Variants in CADPS observed in about 807,000 individuals in gnomAD.
CADPS encodes calcium-dependent secretion activator 1.
In CADPS, 57 loss-of-function variants were observed where a neutral mutation model predicts 167.3. The ratio of observed to expected loss-of-function variants is 0.34; its 90% CI spans 0.28 to 0.42. The LOEUF is 0.42. Among genes scored for constraint, CADPS ranks in the 20% least tolerant of loss-of-function variants. The pLI, the probability that CADPS is intolerant of heterozygous loss-of-function variation, is 1.00. For synonymous variants in CADPS, 676 were observed against 635.3 expected (o/e 1.06, Z -0.96); for missense variants, 1,414 against 1,738.1 (o/e 0.81, Z 3.32).
intron 1 of CADPS, among the ~76,000 whole-genome samples, chr3:62,833,918 A>C (rs895673921): frequency 6.6e-6 from 1 of 152,204 alleles, no homozygotes; most frequent in South Asian, 2.1e-4. Context: ...CTCATTTTTC[A>C]AAATAGGTAC....
intron 3 of CADPS, among the ~76,000 whole-genome samples, chr3:62,680,517 T>C (rs903318040): frequency 2.0e-5 from 3 of 152,024 alleles, no homozygotes; most frequent in Non-Finnish European, 2.9e-5. Context: ...TCTCCTGTCC[T>C]CCTCTGTCTG....
At chr3:62,870,707 T>C (rs1444431835) in intron 1 of CADPS, among the ~76,000 whole-genome samples, 2 of 152,202 alleles carry the variant, frequency 1.3e-5, no homozygotes, top group Non-Finnish European at 2.9e-5. Context: ...ACAATGCTCA[T>C]TTTAAACTAT....
chr3:62,569,404 C>T (rs779572262), intron 9 of CADPS, among the ~76,000 whole-genome samples: 9 of 152,152 alleles, frequency 5.9e-5, no homozygotes, highest in East Asian at 1.9e-4. Flanking sequence ...GCTGGGCAGC[C>T]GTGGGTTATT....
intron 28 of CADPS, among the ~76,000 whole-genome samples, chr3:62,407,747 T>C (rs1284529824): frequency 2.6e-5 from 4 of 152,234 alleles, no homozygotes; most frequent in African/African-American, 4.8e-5. Flanking sequence ...TTGTTTTTCT[T>C]TTTTTGAGAC....
chr3:62,582,838 T>A (rs1217326531), intron 8 of CADPS, among the ~76,000 whole-genome samples: 1 of 152,220 alleles, frequency 6.6e-6, no homozygotes, highest in Non-Finnish European at 1.5e-5. Flanking sequence ...TGAAATATGT[T>A]AATAATTTTA....
At chr3:62,831,808 A>G (rs2075144950) in intron 1 of CADPS, among the ~76,000 whole-genome samples, 1 of 152,170 alleles carries the variant, frequency 6.6e-6, no homozygotes, top group Admixed American at 6.6e-5. Flanking sequence ...GACCACTTAC[A>G]CAGTGCTATA....
intron 6 of CADPS, among the ~76,000 whole-genome samples, chr3:62,603,496 C>G (rs544416207): frequency 6.6e-6 from 1 of 152,292 alleles, no homozygotes; most frequent in East Asian, 1.9e-4. Context: ...GTATACCACA[C>G]TTTATGCACA....
intron 26 of CADPS, among the ~76,000 whole-genome samples, chr3:62,454,407 G>A (rs1299606662): frequency 6.6e-6 from 1 of 152,136 alleles, no homozygotes; most frequent in African/African-American, 2.4e-5. Flanking sequence ...AGGAAACTGG[G>A]CTCAGAGAGG....
intron 28 of CADPS, among the ~76,000 whole-genome samples, chr3:62,422,733 C>G (rs1158686209): frequency 6.6e-6 from 1 of 152,212 alleles, no homozygotes; most frequent in African/African-American, 2.4e-5. Context: ...TATTCTATAA[C>G]TGTCGATTAC....
intron 4 of CADPS, among the ~76,000 whole-genome samples, chr3:62,655,621 G>A (rs972376199): frequency 3.3e-5 from 5 of 152,124 alleles, no homozygotes; most frequent in African/African-American, 1.2e-4. Context: ...TTTTTACCCA[G>A]AGAGGATGAA....
At chr3:62,592,546 T>C (rs2086289817) in intron 7 of CADPS, 91 bp downstream of exon 7, 19 of 927,234 alleles carry the variant, frequency 2.0e-5, no homozygotes, top group Non-Finnish European at 3.3e-5. Context: ...TCTCAGCACT[T>C]GGCAATGCTG....
intron 18 of CADPS, among the ~76,000 whole-genome samples, chr3:62,495,347 CAA>C (rs1369961580): frequency 6.6e-6 from 1 of 152,154 alleles, no homozygotes; most frequent in African/African-American, 2.4e-5. Flanking sequence ...AACCAGAAAG[CAA>C]AAGTGTAATT....
intron 2 of CADPS, among the ~76,000 whole-genome samples, chr3:62,755,714 G>A (rs143176702): frequency 2.0e-5 from 3 of 152,318 alleles, no homozygotes; most frequent in African/African-American, 4.8e-5. Context: ...GCTTCCTTAT[G>A]AGTGGGAACT....
chr3:62,427,474 T>C (rs1359126993), intron 28 of CADPS, among the ~76,000 whole-genome samples: 2 of 152,118 alleles, frequency 1.3e-5, no homozygotes, highest in Non-Finnish European at 2.9e-5. Context: ...CTCTACACTA[T>C]TGCTATTTTG....
In CADPS at chr3:62,493,693, C is replaced by A. The variant is rs944628769; in HGVS notation, c.2707-28G>T. The A allele has an allele frequency of 5.2e-6, 8 of 1,550,928 alleles. No homozygotes were observed. In the Admixed American group the frequency reaches 5.9e-5, roughly 11 times the overall value. On this transcript the variant is annotated intron_variant, in intron 18 of 29. Transcript: ENST00000383710. ...GGTTTGCAAATTAAATGAAAAAAAT[C>A]AAGTCATGGACCATTCTGCAAGGTT...
chr3:62,647,946 C>T (rs530814404), intron 5 of CADPS, among the ~76,000 whole-genome samples: 1 of 152,184 alleles, frequency 6.6e-6, no homozygotes. Flanking sequence ...ATGCCCTTTG[C>T]CCTTTGTCCT....
At chr3:62,404,044 C>T (rs1342103902) in intron 28 of CADPS, 1 of 152,032 alleles carries the variant, frequency 6.6e-6, no homozygotes, top group East Asian at 1.9e-4. Flanking sequence ...ATAAATCTCA[C>T]TCGGAGACAT....
chr3:62,448,754 C>T (rs1212300712), intron 26 of CADPS, among the ~76,000 whole-genome samples: 1 of 152,024 alleles, frequency 6.6e-6, no homozygotes, highest in African/African-American at 2.4e-5. Context: ...GCTGGGATTA[C>T]AGGCACCCAC....
At chr3:62,782,240 GT>G (rs1235590107) in intron 1 of CADPS, among the ~76,000 whole-genome samples, 2 of 152,148 alleles carry the variant, frequency 1.3e-5, no homozygotes, top group Non-Finnish European at 2.9e-5. Flanking sequence ...CCTCTCTAAA[GT>G]TTAACATCAG....
Sources: gnomAD v4.1 joint callset for allele counts (sites outside exome capture counted in the v4.1 genomes callset) on GRCh38, gnomAD v4.1.1 for gene constraint, MANE v1.5 for transcripts, NCBI Gene and HGNC (gene_info 2026-07-23, HGNC 2026-07-21) for gene names.